The following RBFOX1 variants were observed in gnomAD, a reference collection of about 807,000 sequenced individuals.
The protein encoded by RBFOX1 is RNA binding protein fox-1 homolog 1.
RBFOX1 carries 8 observed loss-of-function variants against 57.7 expected under a neutral mutation model. That is an observed-to-expected ratio of 0.14 (90% CI 0.08 to 0.25). The LOEUF (loss-of-function observed/expected upper bound fraction) is 0.25. Ranked by LOEUF, RBFOX1 falls within the 10% of genes least tolerant of loss-of-function variation. RBFOX1 has a pLI of 1.00. For synonymous variants in RBFOX1, 326 were observed against 222.4 expected (o/e 1.47, Z -4.15); for missense variants, 611 against 548.5 (o/e 1.11, Z -1.14).
intron 4 of RBFOX1, among the ~76,000 whole-genome samples, chr16:7,362,424 G>A (rs951432529): frequency 7.9e-5 from 12 of 151,334 alleles, no homozygotes; most frequent in Admixed American, 1.3e-4. Flanking sequence ...GTGTGTATGC[G>A]TTAGTGTGTG....
chr16:7,184,016 G>C (rs954310258), intron 4 of RBFOX1, among the ~76,000 whole-genome samples: 7 of 152,210 alleles, frequency 4.6e-5, no homozygotes, highest in Non-Finnish European at 1.0e-4. Context: ...GATGAGGGGC[G>C]ATGCAGATGG....
intron 2 of RBFOX1, among the ~76,000 whole-genome samples, chr16:6,452,886 A>T (rs532391755): frequency 6.6e-6 from 1 of 152,334 alleles, no homozygotes; most frequent in Admixed American, 6.5e-5. Flanking sequence ...TGGTGTTCAT[A>T]AAGCCCTTAG....
At chr16:6,601,697 G>C (rs1010849643) in intron 2 of RBFOX1, among the ~76,000 whole-genome samples, 1 of 152,138 alleles carries the variant, frequency 6.6e-6, no homozygotes, top group Non-Finnish European at 1.5e-5. Flanking sequence ...CTGTAGGAGA[G>C]GCTTCATCTT....
intron 4 of RBFOX1, among the ~76,000 whole-genome samples, chr16:5,934,414 A>T (rs2059128054): frequency 1.3e-5 from 2 of 152,190 alleles, no homozygotes; most frequent in South Asian, 2.1e-4. Context: ...TTCCTTTCTA[A>T]ATCTATTACT....
intron 3 of RBFOX1, among the ~76,000 whole-genome samples, chr16:6,862,309 G>C (rs1220402317): frequency 6.6e-6 from 1 of 152,274 alleles, no homozygotes; most frequent in Non-Finnish European, 1.5e-5. Context: ...TGTTTGCCTT[G>C]TGAACAAGCT....
intron 2 of RBFOX1, among the ~76,000 whole-genome samples, chr16:5,595,796 A>G (rs1326923692): frequency 6.6e-6 from 1 of 152,184 alleles, no homozygotes; most frequent in Admixed American, 6.5e-5. Flanking sequence ...ATAGGGACAC[A>G]CGGGATTGGG....
chr16:6,933,641 A>AG (rs1322939474), intron 3 of RBFOX1, among the ~76,000 whole-genome samples: 1 of 152,224 alleles, frequency 6.6e-6, no homozygotes, highest in African/African-American at 2.4e-5. Context: ...TGAACCTGGG[A>AG]GGGAGAGGTT....
At chr16:5,414,051 C>A (rs1181475853) in intron 1 of RBFOX1, among the ~76,000 whole-genome samples, 1 of 152,164 alleles carries the variant, frequency 6.6e-6, no homozygotes, top group South Asian at 2.1e-4. Flanking sequence ...AGGACATCCC[C>A]AGAATGGTGG....
intron 9 of RBFOX1, among the ~76,000 whole-genome samples, chr16:7,598,512 TAAAAG>T (rs1436785220): frequency 2.0e-5 from 3 of 152,064 alleles, no homozygotes; most frequent in East Asian, 1.9e-4. Flanking sequence ...AAAAAAAAAT[TAAAAG>T]AAACGTTAAA....
intron 1 of RBFOX1, among the ~76,000 whole-genome samples, chr16:5,272,685 G>C (rs1285799299): frequency 6.6e-6 from 1 of 152,196 alleles, no homozygotes; most frequent in Non-Finnish European, 1.5e-5. Context: ...GCCATGGAAA[G>C]GTTCCCATGA....
At chr16:5,771,103 A>G (rs545453617) in intron 3 of RBFOX1, among the ~76,000 whole-genome samples, 75 of 152,304 alleles carry the variant, frequency 4.9e-4, no homozygotes, top group African/African-American at 1.6e-3. Flanking sequence ...AAACTGTGTA[A>G]AGTGAAAGAT....
At chr16:6,993,429 T>C (rs559524189) in intron 3 of RBFOX1, among the ~76,000 whole-genome samples, 1 of 152,176 alleles carries the variant, frequency 6.6e-6, no homozygotes, top group African/African-American at 2.4e-5. Flanking sequence ...ATATTCTAAA[T>C]GCATTGCTGG....
At chr16:7,208,569 C>T (rs1209439476) in intron 4 of RBFOX1, among the ~76,000 whole-genome samples, 1 of 152,124 alleles carries the variant, frequency 6.6e-6, no homozygotes, top group Non-Finnish European at 1.5e-5. Flanking sequence ...GGTGCAGTGG[C>T]TCATACCTGT....
At chr16:5,706,394 C>T (rs551791196) in intron 3 of RBFOX1, among the ~76,000 whole-genome samples, 1 of 152,328 alleles carries the variant, frequency 6.6e-6, no homozygotes, top group African/African-American at 2.4e-5. Flanking sequence ...TCACCAAGCA[C>T]TGCCTTGCTT....
At chr16:6,764,722 A>C (rs1212368076) in intron 3 of RBFOX1, among the ~76,000 whole-genome samples, 2 of 152,150 alleles carry the variant, frequency 1.3e-5, no homozygotes, top group East Asian at 1.9e-4. Context: ...AGGTCACTTG[A>C]GGTCAGGTGT....
At chr16:5,730,006 G>T (rs565195755) in intron 3 of RBFOX1, among the ~76,000 whole-genome samples, 5 of 152,260 alleles carry the variant, frequency 3.3e-5, no homozygotes, top group Admixed American at 1.3e-4. Context: ...CCGCAAAGGG[G>T]GTGCCTCAAA....
At chr16:7,528,423 T>C (rs1201733264) in intron 5 of RBFOX1, among the ~76,000 whole-genome samples, 1 of 152,220 alleles carries the variant, frequency 6.6e-6, no homozygotes, top group Non-Finnish European at 1.5e-5. Context: ...ATGTAAGTGT[T>C]TGAAGGACCT....
At chr16:5,316,413 G>T (rs1212535417) in intron 1 of RBFOX1, among the ~76,000 whole-genome samples, 4 of 152,212 alleles carry the variant, frequency 2.6e-5, no homozygotes, top group African/African-American at 7.2e-5. Context: ...GCAGTCTCCA[G>T]TGAATAGGTG....
chr16:6,407,555 G>GTA (rs1204948807), intron 2 of RBFOX1, among the ~76,000 whole-genome samples: 5 of 78,860 alleles, frequency 6.3e-5, no homozygotes, highest in African/African-American at 3.6e-4. Context: ...GTGTGTGTGT[G>GTA]TGTGTGTGTG....
Sources: allele counts gnomAD v4.1 joint callset (sites outside exome capture counted in the v4.1 genomes callset), GRCh38; gene constraint gnomAD v4.1.1; transcripts MANE v1.5; gene names NCBI Gene and HGNC (gene_info 2026-07-23, HGNC 2026-07-21).